Variants in RPTOR observed in about 807,000 individuals in gnomAD.
RPTOR encodes the protein regulatory associated protein of MTOR complex 1.
A neutral mutation model predicts 169.9 loss-of-function variants in RPTOR; 21 were observed. That is an observed-to-expected ratio of 0.12 (90% CI 0.09 to 0.18). The LOEUF is 0.18. Among genes scored for constraint, RPTOR ranks in the 10% least tolerant of loss-of-function variants. The pLI, the probability that RPTOR is intolerant of heterozygous loss-of-function variation, is 1.00. For synonymous variants in RPTOR, 732 were observed against 753.2 expected, an observed-to-expected ratio of 0.97 and a Z score of 0.46; for missense variants, 1,133 against 1,855.9, an observed-to-expected ratio of 0.61 and a Z score of 7.16.
At chr17:80,889,567 T>TG (rs758047961) in intron 17 of RPTOR, among the ~76,000 whole-genome samples, 78 of 152,264 alleles carry the variant, frequency 5.1e-4, no homozygotes, top group Non-Finnish European at 5.3e-4. Context: ...AAGCTCATCT[T>TG]GCAAAAGCTG....
chr17:80,952,094 G>A (rs550221811), intron 28 of RPTOR, among the ~76,000 whole-genome samples: 14 of 152,358 alleles, frequency 9.2e-5, no homozygotes, highest in Non-Finnish European at 1.5e-4. Context: ...TCACGGGCCT[G>A]AGGGTAATTA....
intron 3 of RPTOR, among the ~76,000 whole-genome samples, chr17:80,683,568 G>A (rs112803228): frequency 0.02 from 3,031 of 152,222 alleles, 47 homozygotes; most frequent in Non-Finnish European, 0.033. Context: ...AGTTATGATC[G>A]TGATGGTTGC....
At position 80,936,264 on chromosome 17, in the gene RPTOR, G is replaced by C. The variant is rs1208272824; in HGVS notation, c.2920-4232G>C. Among the ~76,000 whole-genome samples the C allele has an allele frequency of 6.6e-6, 1 of 152,226 alleles. No individual in the cohort carries two copies. The highest frequency in any genetic ancestry group is 1.9e-4 in the East Asian group (1 of 5,204). On this transcript the variant is annotated intron_variant, in intron 24 of 33. Coordinates refer to ENST00000306801, the MANE Select transcript of RPTOR (RefSeq NM_020761.3). This position sits in a 1 kb window ranked among gnomAD's most constrained non-coding sequence, Gnocchi z 4.1. ...TCATTCTTGGCTACTGCAACTACAA[G>C]ATGCTACAGACACCTTGGAAAAGGT...
chr17:80,838,850 A>C (rs538085240), intron 10 of RPTOR, among the ~76,000 whole-genome samples: 2 of 152,286 alleles, frequency 1.3e-5, no homozygotes, highest in South Asian at 4.1e-4. Context: ...CTCCTCATTT[A>C]AGGGAGGGAT....
intron 9 of RPTOR, 77 bp from the exon 10 acceptor site, chr17:80,837,845 C>A (rs1449039698): frequency 4.3e-6 from 6 of 1,386,714 alleles, no homozygotes; most frequent in Non-Finnish European, 6.1e-6. Flanking sequence ...CAGCCGGCTC[C>A]TCCTGTGCCC....
chr17:80,549,387 G>GCAA (rs2084317889), intron 1 of RPTOR, among the ~76,000 whole-genome samples: 1 of 152,082 alleles, frequency 6.6e-6, no homozygotes, highest in Non-Finnish European at 1.5e-5. Flanking sequence ...TTGGCTCACT[G>GCAA]CAACCTCCGC....
rs143359868 is a variant in RPTOR at position 80,672,513 on chromosome 17, C to T, written c.348+28703C>T. On this transcript the variant is annotated intron_variant, in intron 3 of 33. Transcript: ENST00000306801. Reference sequence around the variant, plus strand: ...ATAAAAAACAAACTTCTCAGCCAGGCGCGGTGGCTCACGCCTGTAGTAATG... The same window carrying T: ...ATAAAAAACAAACTTCTCAGCCAGGTGCGGTGGCTCACGCCTGTAGTAATG... 9.0e-3 allele frequency among the ~76,000 whole-genome samples: 1,371 copies of T among 152,152 alleles called. 22 individuals carry two copies. Among genetic ancestry groups the T allele is most frequent in the African/African-American group, 0.031 (1,270 of 41,490 alleles).
chr17:80,680,641 A>G (rs2065891435), intron 3 of RPTOR, among the ~76,000 whole-genome samples: 2 of 151,970 alleles, frequency 1.3e-5, no homozygotes, highest in Admixed American at 1.3e-4. Context: ...AAAACAAACA[A>G]ACAGACAAAA....
At chr17:80,825,889 G>A (rs1013898299) in intron 9 of RPTOR, among the ~76,000 whole-genome samples, 1 of 152,182 alleles carries the variant, frequency 6.6e-6, no homozygotes, top group Admixed American at 6.5e-5. Context: ...TCTTCTCCTG[G>A]TTGTTGCAGG....
intron 4 of RPTOR, among the ~76,000 whole-genome samples, chr17:80,729,654 A>G (rs1281596755): frequency 6.6e-6 from 1 of 152,246 alleles, no homozygotes; most frequent in Non-Finnish European, 1.5e-5. Flanking sequence ...TCTCAATGAC[A>G]AAGTGCTTAT....
chr17:80,922,247 T>C (rs1031599363), intron 21 of RPTOR, among the ~76,000 whole-genome samples: 1 of 152,220 alleles, frequency 6.6e-6, no homozygotes, highest in Admixed American at 6.5e-5. Flanking sequence ...TGGTGGATTC[T>C]TCCCGGGCCT....
chr17:80,692,727 T>C (rs2066003478), intron 3 of RPTOR, among the ~76,000 whole-genome samples: 1 of 152,202 alleles, frequency 6.6e-6, no homozygotes, highest in African/African-American at 2.4e-5. Context: ...CCTCCCAAAG[T>C]GTTAGGATTA....
chr17:80,866,364 A>T (rs2067990890), intron 13 of RPTOR, among the ~76,000 whole-genome samples: 1 of 152,180 alleles, frequency 6.6e-6, no homozygotes, highest in Non-Finnish European at 1.5e-5. Context: ...ACGGTCTCCA[A>T]CCGGAGATCC....
intron 25 of RPTOR, among the ~76,000 whole-genome samples, chr17:80,944,624 C>G (rs964002196): frequency 6.6e-6 from 1 of 152,208 alleles, no homozygotes; most frequent in South Asian, 2.1e-4. Flanking sequence ...CTTCTGCTTC[C>G]TTTGTGCCTC....
chr17:80,766,833 CA>C (rs2066792397), intron 6 of RPTOR, among the ~76,000 whole-genome samples: 1 of 138,288 alleles, frequency 7.2e-6, no homozygotes. Flanking sequence ...TCTTTAAGTC[CA>C]GAAAAAAAAG....
At chr17:80,961,201 G>T (rs1462983543) in intron 30 of RPTOR, among the ~76,000 whole-genome samples, 193 bp from the exon 31 acceptor site, 2 of 152,234 alleles carry the variant, frequency 1.3e-5, no homozygotes, top group Non-Finnish European at 2.9e-5. Flanking sequence ...GGACACAGGG[G>T]GTCTCTGCTG....
intron 2 of RPTOR, among the ~76,000 whole-genome samples, chr17:80,638,923 GT>G (rs2065530671): frequency 1.3e-5 from 2 of 152,206 alleles, no homozygotes; most frequent in African/African-American, 4.8e-5. Flanking sequence ...TCTCGCTCCT[GT>G]ACGGCTCCCG....
intron 1 of RPTOR, among the ~76,000 whole-genome samples, chr17:80,583,252 G>A (rs1461157982): frequency 1.4e-5 from 2 of 142,046 alleles, no homozygotes; most frequent in Non-Finnish European, 3.0e-5. Context: ...GCAGTGGCGC[G>A]ATCACCGCTC....
At chr17:80,833,560 A>G (rs1281462373) in intron 9 of RPTOR, among the ~76,000 whole-genome samples, 1 of 152,174 alleles carries the variant, frequency 6.6e-6, no homozygotes. Context: ...CGTAGGACCC[A>G]CTTTCCCACT....
Sources: allele counts gnomAD v4.1 joint callset (sites outside exome capture counted in the v4.1 genomes callset), GRCh38; gene constraint gnomAD v4.1.1; non-coding constraint Gnocchi (gnomAD v3.1); transcripts MANE v1.5; gene names NCBI Gene and HGNC (gene_info 2026-07-23, HGNC 2026-07-21).